The following ITIH5 variants were observed in gnomAD, a reference collection of about 807,000 sequenced individuals.
ITIH5 encodes the protein inter-alpha-trypsin inhibitor heavy chain 5.
In ITIH5, 65 loss-of-function variants were observed where a neutral mutation model predicts 77.5. The observed-to-expected ratio is 0.84, with a 90% CI of 0.69 to 1.03. The LOEUF is 1.03. Ranked by LOEUF, ITIH5 falls within the 50% of genes least tolerant of loss-of-function variation. ITIH5 has a pLI of 0.00. For synonymous variants in ITIH5, 525 were observed against 494.3 expected (o/e 1.06, Z -0.82); for missense variants, 1,208 against 1,213.1 (o/e 1.00, Z 0.06).
rs1832343052 is a variant in ITIH5, at chr10:7,573,343, T to A, written c.1979-148A>T. 1 of 650,508 alleles carries A rather than the reference T, an allele frequency of 1.5e-6. No homozygotes were observed. Among genetic ancestry groups the A allele is most frequent in the African/African-American group, 1.8e-5 (1 of 54,394 alleles). The allele number at this position is 650,508 out of a possible 1,614,324, so 40.3% of individuals were successfully genotyped here. On this transcript the variant is annotated intron_variant, in intron 10 of 13. Transcript: ENST00000397146. Reference sequence around the variant, plus strand: ...TAATCAAAAGACCTTTAAAACATCATCAGTCTTAAAAAGGGAGCTTGGCCT... The same window carrying A: ...TAATCAAAAGACCTTTAAAACATCAACAGTCTTAAAAAGGGAGCTTGGCCT...
chr10:7,623,767 CA>C, intron 5 of ITIH5, among the ~76,000 whole-genome samples: 1 of 138,270 alleles, frequency 7.2e-6, no homozygotes, highest in Non-Finnish European at 1.5e-5. Context: ...TGCACCACTG[CA>C]CTCCAGCCTG....
intron 7 of ITIH5, among the ~76,000 whole-genome samples, chr10:7,589,464 A>T (rs1164924796): frequency 6.6e-6 from 1 of 152,214 alleles, no homozygotes; most frequent in East Asian, 1.9e-4. Context: ...ATCTCAAAAA[A>T]AAATGAAGGC....
At chr10:7,574,792 C>T (rs1832373829) in intron 10 of ITIH5, among the ~76,000 whole-genome samples, 2 of 79,436 alleles carry the variant, frequency 2.5e-5, no homozygotes, top group Non-Finnish European at 2.6e-5. Flanking sequence ...GACTCCATCT[C>T]GGAAAAAAAA....
At chr10:7,569,619 G>A (rs759833059) in intron 12 of ITIH5, 49 bp downstream of exon 12, 6 of 1,231,906 alleles carry the variant, frequency 4.9e-6, no homozygotes, top group Non-Finnish European at 6.9e-6. Flanking sequence ...GGGGGATGCA[G>A]TACCTACCTG....
chr10:7,599,487 GT>G (rs1832972042), intron 7 of ITIH5, among the ~76,000 whole-genome samples: 1 of 152,170 alleles, frequency 6.6e-6, no homozygotes, highest in South Asian at 2.1e-4. Context: ...TAAATCTGAA[GT>G]TTATATTGTC....
intron 2 of ITIH5, among the ~76,000 whole-genome samples, chr10:7,649,314 C>CCCT (rs1225110720): frequency 6.6e-6 from 1 of 151,688 alleles, no homozygotes; most frequent in Non-Finnish European, 1.5e-5. Flanking sequence ...CTTTCCCTTC[C>CCCT]CCTCCTCCTC....
intron 8 of ITIH5, among the ~76,000 whole-genome samples, chr10:7,585,591 C>G (rs780285469): frequency 2.0e-4 from 30 of 152,262 alleles, no homozygotes; most frequent in Admixed American, 3.3e-4. Context: ...TTTACAAAAA[C>G]AGTATTGTTT....
At position 7,560,537 on chromosome 10, in the gene ITIH5, A is replaced by C. The variant is rs1021223822; in HGVS notation, c.*2546T>G. 6.6e-6 allele frequency: 1 copy of C among 152,188 alleles called. No homozygotes were observed. Among genetic ancestry groups the C allele is most frequent in the African/African-American group, 2.4e-5 (1 of 41,438 alleles). The allele number at this position is 152,188 out of a possible 1,614,324, so 9.4% of individuals were successfully genotyped here. ...TTTAGCCTGAAGTTGTAAAGCATTA[A>C]AAAGTCAAATGGAGGAAGATGGTGC... On this transcript the variant is annotated 3_prime_UTR_variant, in exon 14 of 14. Coordinates refer to ENST00000397146, the MANE Select transcript of ITIH5 (RefSeq NM_030569.7).
intron 5 of ITIH5, among the ~76,000 whole-genome samples, chr10:7,636,571 A>G (rs2131072180): frequency 6.6e-6 from 1 of 152,258 alleles, no homozygotes; most frequent in Middle Eastern, 3.4e-3. Flanking sequence ...TCTCTTCCAT[A>G]TAATTGAATC....
Position 7,617,214 on chromosome 10 carries a change from G to T in ITIH5, c.721C>A (p.Pro241Thr), listed in dbSNP as rs146745074. Residue 241 changes from proline (P) to threonine (T), a missense_variant, in exon 6 of 14, where the codon CCT (proline) becomes ACT (threonine). Coordinates refer to ENST00000397146, the MANE Select transcript of ITIH5 (RefSeq NM_030569.7). ...NETFANIIFK[P>T]TVVQQARIAQ... ...ATCCTGGCTTGTTGTACTACAGTAG[G>T]TTTAAAAATTATGTTGGCAAATGTT... 4 of 1,601,256 alleles carry T rather than the reference G, an allele frequency of 2.5e-6. No individual in the cohort carries two copies. Among genetic ancestry groups the T allele is most frequent in the Non-Finnish European group, 3.4e-6 (4 of 1,174,414 alleles).
intron 5 of ITIH5, among the ~76,000 whole-genome samples, chr10:7,624,431 C>T (rs1013023554): frequency 4.0e-5 from 6 of 151,822 alleles, no homozygotes; most frequent in Admixed American, 1.3e-4. Flanking sequence ...CACTTGGACC[C>T]GGGAGGCAGA....
intron 1 of ITIH5, among the ~76,000 whole-genome samples, chr10:7,666,461 C>A (rs1834363043): frequency 1.3e-5 from 2 of 152,060 alleles, no homozygotes; most frequent in Admixed American, 6.5e-5. Context: ...CTGCCCCCCA[C>A]GCGTGATAAG....
At chr10:7,592,178 G>T (rs1483768087) in intron 7 of ITIH5, among the ~76,000 whole-genome samples, 1 of 152,096 alleles carries the variant, frequency 6.6e-6, no homozygotes, top group African/African-American at 2.4e-5. Flanking sequence ...CACTTTTTCT[G>T]GTTTATTATT....
chr10:7,569,823 A>G, intron 11 of ITIH5, 39 bp from the exon 12 acceptor site: 2 of 1,274,564 alleles, frequency 1.6e-6, no homozygotes, highest in Non-Finnish European at 2.2e-6. Context: ...AAAGAAAGAC[A>G]CTTATTCAGT....
At chr10:7,649,519 T>A (rs1040641101) in intron 2 of ITIH5, among the ~76,000 whole-genome samples, 1 of 117,412 alleles carries the variant, frequency 8.5e-6, no homozygotes, top group Non-Finnish European at 1.8e-5. Context: ...GATAGATAGA[T>A]GGATAGATAG....
chr10:7,654,870 A>G (rs1018269626), intron 2 of ITIH5, among the ~76,000 whole-genome samples: 1 of 152,228 alleles, frequency 6.6e-6, no homozygotes, highest in Non-Finnish European at 1.5e-5. Context: ...AAAACATGAA[A>G]GAAGGAATAC....
rs547304683 is a variant in ITIH5, at chr10:7,616,697, G to A, written c.822+416C>T. On this transcript the variant is annotated intron_variant, in intron 6 of 13. Coordinates refer to ENST00000397146, the MANE Select transcript of ITIH5 (RefSeq NM_030569.7). ...ACAAAAATTAGTGGGGCGTGGTGGT[G>A]GGTGCCTGTAATCTCAGCTACTCGG... 1.5e-4 allele frequency among the ~76,000 whole-genome samples: 23 copies of A among 152,206 alleles called. No individual in the cohort carries two copies. The East Asian group carries it at 4.5e-3, about 29-fold the overall frequency.
intron 2 of ITIH5, among the ~76,000 whole-genome samples, chr10:7,648,254 AAAAG>A (rs5782994): frequency 0.12 from 18,534 of 151,320 alleles, 1,244 homozygotes; most frequent in South Asian, 0.18. Flanking sequence ...AAAAAAAAAA[AAAAG>A]AACACAGAGA....
chr10:7,592,758 T>C (rs889799107), intron 7 of ITIH5, among the ~76,000 whole-genome samples: 9 of 152,148 alleles, frequency 5.9e-5, no homozygotes, highest in African/African-American at 2.2e-4. Context: ...TGGTTCATCC[T>C]GGGCTCAGCA....
Sources: allele counts gnomAD v4.1 joint callset (sites outside exome capture counted in the v4.1 genomes callset), GRCh38; gene constraint gnomAD v4.1.1; transcripts MANE v1.5; gene names NCBI Gene and HGNC (gene_info 2026-07-23, HGNC 2026-07-21).